The following BAZ1B variants were observed in gnomAD, a reference collection of about 807,000 sequenced individuals.
The protein encoded by BAZ1B is tyrosine-protein kinase BAZ1B.
In BAZ1B, 22 loss-of-function variants were observed where a neutral mutation model predicts 153.8. The observed-to-expected ratio is 0.14, with a 90% CI of 0.10 to 0.20. The LOEUF (loss-of-function observed/expected upper bound fraction) is 0.20, where lower values mean the gene tolerates loss of function less well. Ranked by LOEUF, BAZ1B falls within the 10% of genes least tolerant of loss-of-function variation. The pLI is 1.00. For synonymous variants in BAZ1B, 676 were observed against 633.4 expected, an observed-to-expected ratio of 1.07 and a Z score of -1.01; for missense variants, 1,325 against 1,799.3, an observed-to-expected ratio of 0.74 and a Z score of 4.77.
Position 73,450,284 on chromosome 7 carries a change from G to A in BAZ1B, c.3580+563C>T, listed in dbSNP as rs1416620379. 6.6e-6 allele frequency among the ~76,000 whole-genome samples: 1 copy of A among 152,112 alleles called. No individual in the cohort carries two copies. The highest frequency in any genetic ancestry group is 1.5e-5 in the Non-Finnish European group (1 of 68,024). ...TGTTGTGCTGAGTCAACTTAATATG[G>A]TAATCTCTCCTTCCAACCTTCATTC... is the stretch of plus-strand genomic sequence containing the variant. On this transcript the variant is annotated intron_variant, in intron 14 of 19. Coordinates refer to ENST00000339594, the MANE Select transcript of BAZ1B (RefSeq NM_032408.4). This position sits in a 1 kb window ranked among gnomAD's most constrained non-coding sequence, Gnocchi z 4.1.
chr7:73,469,706 A>ATT, intron 8 of BAZ1B, 56 bp from the exon 9 acceptor site: 1 of 1,591,042 alleles, frequency 6.3e-7, no homozygotes, highest in Non-Finnish European at 8.6e-7. Flanking sequence ...TTGCAGGATG[A>ATT]TTTTACTGCT....
intron 7 of BAZ1B, among the ~76,000 whole-genome samples, chr7:73,471,872 T>A (rs1276167528): frequency 1.4e-4 from 20 of 142,132 alleles, no homozygotes; most frequent in Non-Finnish European, 2.6e-4. Flanking sequence ...GGTAAATGAT[T>A]AAAAAAAAAA....
At chr7:73,457,258 G>A (rs1212810104) in intron 13 of BAZ1B, among the ~76,000 whole-genome samples, 1 of 152,020 alleles carries the variant, frequency 6.6e-6, no homozygotes, top group African/African-American at 2.4e-5. Flanking sequence ...GCTCACTGTA[G>A]CATCAGCCTC....
At chr7:73,448,118 A>G (rs2116230072) in intron 15 of BAZ1B, among the ~76,000 whole-genome samples, 1 of 152,324 alleles carries the variant, frequency 6.6e-6, no homozygotes, top group African/African-American at 2.4e-5. Flanking sequence ...TAGCCTGACC[A>G]ACATGGAGAA....
Position 73,449,667 on chromosome 7 carries a change from C to A in BAZ1B, c.3603G>T (p.Leu1201Phe). ...GGAAGGCTTTATTACACTCATCACA[C>A]AAGATCAATTTGTCATCCTCACCTG... ...RKKGEDDKLI[L>F]CDECNKAFHL... The change falls in exon 15 of 20, where the codon TTG becomes TTT. Residue 1201 changes from leucine (L) to phenylalanine (F), a missense_variant. Leu to Phe is a conservative substitution (Grantham distance 22). This residue lies in a region of BAZ1B where 21 missense variants were observed against 58.3 expected (regional missense o/e 0.36). Coordinates refer to ENST00000339594, the MANE Select transcript of BAZ1B (RefSeq NM_032408.4). 1 of 1,614,052 alleles carries A rather than the reference C, an allele frequency of 6.2e-7. No individual in the cohort carries two copies. The highest frequency in any genetic ancestry group is 8.5e-7 in the Non-Finnish European group (1 of 1,180,004).
At chr7:73,497,063 T>TAAAAAAAAAAAAAAA (rs1789933064) in intron 4 of BAZ1B, among the ~76,000 whole-genome samples, 1 of 54,840 alleles carries the variant, frequency 1.8e-5, no homozygotes, top group Non-Finnish European at 3.5e-5. Flanking sequence ...AACTGACCTC[T>TAAAAAAAAAAAAAAA]ACAAAAAAAA....
Position 73,522,130 on chromosome 7 carries a change from G to A in BAZ1B, c.-197C>T. The A allele has an allele frequency of 2.5e-6, 1 of 405,704 alleles. No individual in the cohort carries two copies. Among genetic ancestry groups the A allele is most frequent in the African/African-American group, 2.1e-5 (1 of 48,716 alleles). The allele number at this position is 405,704 out of a possible 1,614,324, so 25.1% of individuals were successfully genotyped here. A position where few individuals can be genotyped will look rare whatever the true frequency, so the allele number is the denominator to read the frequency against. ...TCATGGAGCGGAACGCCACGGCGCA[G>A]AGCTCCCGCGCACACCGCCGCGCCT... On this transcript the variant is annotated 5_prime_UTR_variant, in exon 1 of 20. Coordinates refer to ENST00000339594, the MANE Select transcript of BAZ1B (RefSeq NM_032408.4).
At chr7:73,514,056 C>T (rs1790693715) in intron 1 of BAZ1B, among the ~76,000 whole-genome samples, 1 of 152,152 alleles carries the variant, frequency 6.6e-6, no homozygotes, top group Non-Finnish European at 1.5e-5. Flanking sequence ...TTGCATTATA[C>T]TTACTAGTTC....
intron 7 of BAZ1B, among the ~76,000 whole-genome samples, chr7:73,476,511 C>A (rs1439426095): frequency 2.0e-5 from 3 of 152,126 alleles, no homozygotes; most frequent in African/African-American, 7.2e-5. Context: ...AAGTAATCTG[C>A]CCAAAGGAAC....
In BAZ1B at chr7:73,442,742, G is replaced by A; in HGVS notation, c.4077C>T (p.Arg1359=). 1 of 1,614,136 alleles carries A rather than the reference G, an allele frequency of 6.2e-7. No individual in the cohort carries two copies. The highest frequency in any genetic ancestry group is 8.5e-7 in the Non-Finnish European group (1 of 1,179,990). The change falls in exon 18 of 20, where the codon CGC becomes CGT. Residue 1359 remains arginine, a synonymous_variant. Transcript: ENST00000339594. The part of the protein sequence containing the change: ...EEILHKIVKY[R]FSWPFREPVT... ...GCACTCACCTGAAGGGCCAGCTGAA[G>A]CGGTACTTCACGATCTTGTGGAGGA... is the stretch of plus-strand genomic sequence containing the variant.
intron 19 of BAZ1B, chr7:73,441,948 ACTC>A (rs1178923692): frequency 1.5e-5 from 8 of 520,258 alleles, no homozygotes; most frequent in Admixed American, 3.6e-5. Flanking sequence ...AGACCCTCGG[ACTC>A]CTCCTGGAAA....
At chr7:73,481,623 G>C (rs1554573701) in intron 6 of BAZ1B, among the ~76,000 whole-genome samples, 1 of 152,014 alleles carries the variant, frequency 6.6e-6, no homozygotes, top group African/African-American at 2.4e-5. Flanking sequence ...CACTGAGTAG[G>C]ATATACTTAA....
At chr7:73,510,373 G>C (rs576012139) in intron 2 of BAZ1B, among the ~76,000 whole-genome samples, 22 of 152,156 alleles carry the variant, frequency 1.4e-4, no homozygotes, top group Non-Finnish European at 2.8e-4. Context: ...AGCTTGCAGT[G>C]AGCCGAGATC....
rs782308824 is a variant in BAZ1B at position 73,510,869 on chromosome 7, AG to A, written c.108-18del. The A allele has an allele frequency of 6.2e-7, 1 of 1,606,856 alleles. No homozygotes were observed. Among genetic ancestry groups the A allele is most frequent in the Admixed American group, 1.7e-5 (1 of 59,914 alleles). On this transcript the variant is annotated intron_variant, in intron 1 of 19. Transcript: ENST00000339594. The stretch of plus-strand genomic sequence containing the variant: ...TCATACTCTCTGTTGGCAGTAGTTC[AG>A]GAAAACAATATGCAAGCAACAGAGA...
intron 9 of BAZ1B, among the ~76,000 whole-genome samples, chr7:73,468,262 T>C (rs1383471197): frequency 6.6e-6 from 1 of 152,186 alleles, no homozygotes; most frequent in Non-Finnish European, 1.5e-5. Context: ...AAGGGAGCAC[T>C]GCTGCCTGCC....
intron 3 of BAZ1B, among the ~76,000 whole-genome samples, chr7:73,499,101 C>T (rs1042474225): frequency 4.6e-5 from 7 of 152,196 alleles, no homozygotes; most frequent in Non-Finnish European, 1.0e-4. Flanking sequence ...TCTCGGCTCA[C>T]TGCAACCTCC....
At position 73,465,881 on chromosome 7, in the gene BAZ1B, G is replaced by A. The variant is rs564543935; in HGVS notation, c.2973-344C>T. Among the ~76,000 whole-genome samples, 8 of 152,258 alleles carry A rather than the reference G, an allele frequency of 5.3e-5. No individual in the cohort carries two copies. The South Asian group carries it at 1.0e-3, about 20-fold the overall frequency. Reference sequence around the variant, plus strand: ...ATCACAGGTGATCACAGTTAAAGCCGTAGAATGGATCCTCTAAAACCTAGC... The same window carrying A: ...ATCACAGGTGATCACAGTTAAAGCCATAGAATGGATCCTCTAAAACCTAGC... On this transcript the variant is annotated intron_variant, in intron 10 of 19. Coordinates refer to ENST00000339594, the MANE Select transcript of BAZ1B (RefSeq NM_032408.4).
intron 4 of BAZ1B, among the ~76,000 whole-genome samples, chr7:73,497,454 CTGTG>C (rs1193810700): frequency 6.6e-6 from 1 of 152,116 alleles, no homozygotes. Flanking sequence ...CAGGTATGGT[CTGTG>C]TAAGTTTTGA....
intron 13 of BAZ1B, among the ~76,000 whole-genome samples, chr7:73,457,672 C>G (rs542208900): frequency 1.6e-4 from 24 of 152,100 alleles, no homozygotes; most frequent in Non-Finnish European, 3.1e-4. Context: ...TTGGATCACA[C>G]CTAAATTTAT....
Sources: allele counts gnomAD v4.1 joint callset (sites outside exome capture counted in the v4.1 genomes callset), GRCh38; gene constraint gnomAD v4.1.1; regional missense constraint gnomAD v4.1.1; non-coding constraint Gnocchi (gnomAD v3.1); transcripts MANE v1.5; gene names NCBI Gene and HGNC (gene_info 2026-07-23, HGNC 2026-07-21).